ARID1A: variants seen among roughly 807,000 people sequenced by gnomAD.
The protein encoded by ARID1A is AT-rich interactive domain-containing protein 1A.
ARID1A carries 20 observed loss-of-function variants against 212.6 expected under a neutral mutation model. The ratio of observed to expected loss-of-function variants is 0.09; its 90% CI spans 0.07 to 0.14. The LOEUF is 0.14. Among genes scored for constraint, ARID1A ranks in the 10% least tolerant of loss-of-function variants. The pLI, the probability that ARID1A is intolerant of heterozygous loss-of-function variation, is 1.00. For synonymous variants in ARID1A, 1,376 were observed against 1,222.1 expected (o/e 1.13, Z -2.63); for missense variants, 2,587 against 3,059.0 (o/e 0.85, Z 3.64).
chr1:26,706,992 T>C (rs1223846774), intron 1 of ARID1A, among the ~76,000 whole-genome samples: 1 of 152,008 alleles, frequency 6.6e-6, no homozygotes, highest in Non-Finnish European at 1.5e-5. Flanking sequence ...CTGTAGGTAG[T>C]TTATCTGTTC....
intron 1 of ARID1A, among the ~76,000 whole-genome samples, chr1:26,711,055 G>GTC (rs969353739): frequency 1.3e-5 from 2 of 151,764 alleles, no homozygotes; most frequent in African/African-American, 4.8e-5. Context: ...ACTGTCTTCT[G>GTC]TCTTCTTGCC....
chr1:26,740,011 A>G (rs1447640036), intron 4 of ARID1A, among the ~76,000 whole-genome samples: 1 of 152,106 alleles, frequency 6.6e-6, no homozygotes, highest in Non-Finnish European at 1.5e-5. Flanking sequence ...AAAAGAAAAA[A>G]AAAACCTGGC....
At position 26,767,910 on chromosome 1, in the gene ARID1A, G is replaced by A. The variant is rs144496027; in HGVS notation, c.3109G>A (p.Gly1037Ser). 1.2e-6 allele frequency: 2 copies of A among 1,614,142 alleles called. No individual in the cohort carries two copies. Among genetic ancestry groups the A allele is most frequent in the Non-Finnish European group, 1.7e-6 (2 of 1,180,006 alleles). The change falls in exon 11 of 20, where the codon GGC (glycine) becomes AGC (serine). Residue 1037 changes from glycine to serine, a missense_variant. Around this residue, in one of 11 missense-constraint regions of ARID1A, gnomAD observed 44 missense variants for 99.5 expected, o/e 0.44. Transcript: ENST00000324856. Reference protein sequence around the residue: ...YLAFTEEKAMGMTNLPAVGRK... With the variant: ...YLAFTEEKAMSMTNLPAVGRK... ...GGCCTTCACTGAGGAGAAGGCCATG[G>A]GCATGACAAATCTGCCTGCTGTGGG...
In ARID1A at chr1:26,697,443, C is replaced by T. The variant is rs1165246380; in HGVS notation, c.1040C>T (p.Ala347Val). The part of the protein sequence containing the change: ...WGAAAAAAAA[A>V]AASGGAQQRS... ...GCTGCGGCGGCGGCAGCTGCGGCGG[C>T]GGCCGCCTCGGGAGGGGCCCAACAA... The change falls in exon 1 of 20, where the codon GCG becomes GTG. Residue 347 changes from alanine to valine, a missense_variant. By Grantham distance (64) the Ala-to-Val change is moderately conservative (BLOSUM62 0). This residue lies in a region of ARID1A where 735 missense variants were observed against 590.6 expected (regional missense o/e 1.24). Transcript: ENST00000324856. 5 of 1,356,020 alleles carry T rather than the reference C, an allele frequency of 3.7e-6. No individual in the cohort carries two copies. The highest frequency in any genetic ancestry group is 4.7e-6 in the Non-Finnish European group (5 of 1,065,180). The allele number at this position is 1,356,020 out of a possible 1,614,324, so 84.0% of individuals were successfully genotyped here.
chr1:26,696,729 C>G lies in ARID1A; in HGVS notation c.326C>G (p.Pro109Arg), dbSNP rs1167372383. ...AAGAACTCGAACGGGAACGCGGGCCCTAGGCCCGCCCTGAACAATAACCTC... is the reference window on the plus strand; with the variant it reads ...AAGAACTCGAACGGGAACGCGGGCCGTAGGCCCGCCCTGAACAATAACCTC... Reference protein sequence around the residue: ...DLKNSNGNAGPRPALNNNLTE... With the variant: ...DLKNSNGNAGRRPALNNNLTE... The change falls in exon 1 of 20, where the codon CCT becomes CGT. Residue 109 changes from proline (P) to arginine (R), a missense_variant. Transcript: ENST00000324856. 3.6e-6 allele frequency: 5 copies of G among 1,376,032 alleles called. No individual in the cohort carries two copies. Among genetic ancestry groups the G allele is most frequent in the Non-Finnish European group, 3.8e-6 (4 of 1,065,976 alleles). 85.2% of individuals were successfully genotyped at this position (1,376,032 alleles called of 1,614,324 possible).
At chr1:26,763,576 C>T (rs1260451314) in intron 8 of ARID1A, among the ~76,000 whole-genome samples, 1 of 152,154 alleles carries the variant, frequency 6.6e-6, no homozygotes, top group African/African-American at 2.4e-5. Context: ...TCAAGACCAG[C>T]CTGATCAACA....
Position 26,771,779 on chromosome 1 carries a change from GAGT to G in ARID1A, c.3406+454_3406+456del, listed in dbSNP as rs1208398574. 5.3e-6 allele frequency: 1 copy of G among 188,370 alleles called. No individual in the cohort carries two copies. Among genetic ancestry groups the G allele is most frequent in the Non-Finnish European group, 1.1e-5 (1 of 90,032 alleles). The allele number at this position is 188,370 out of a possible 1,614,324, so 11.7% of individuals were successfully genotyped here. On this transcript the variant is annotated intron_variant, in intron 12 of 19. Transcript: ENST00000324856. This position sits in a 1 kb window ranked among gnomAD's most constrained non-coding sequence, Gnocchi z 5.4. ...GGTTATGAATGGAACTCCCTGATGG[GAGT>G]GGCTCTGCTCACCCTCCTTTCTGAG... is the stretch of plus-strand genomic sequence containing the variant.
chr1:26,746,442 T>A (rs2080835824), intron 4 of ARID1A, among the ~76,000 whole-genome samples: 1 of 152,208 alleles, frequency 6.6e-6, no homozygotes, highest in South Asian at 2.1e-4. Context: ...CTGTTTCATG[T>A]CTGCCCTTGG....
chr1:26,710,875 A>T (rs2080447055), intron 1 of ARID1A, among the ~76,000 whole-genome samples: 1 of 152,196 alleles, frequency 6.6e-6, no homozygotes, highest in South Asian at 2.1e-4. Context: ...AAAATGCTTG[A>T]GGCTAGGGGA....
chr1:26,697,129 C>CGCG lies in ARID1A; in HGVS notation c.735_737dup (p.Ala247dup), dbSNP rs749970078. 4.7e-4 allele frequency: 673 copies of CGCG among 1,437,258 alleles called. 1 individual carries two copies. The highest frequency in any genetic ancestry group is 5.9e-4 in the Non-Finnish European group (645 of 1,099,776). 89.0% of individuals were successfully genotyped at this position (1,437,258 alleles called of 1,614,324 possible). ...CGAGAGGTGGCACTCCGGGCTCCGG[C>CGCG]GCGGCGGCGGCTGCCGGCTCCAAGC... On this transcript the variant is annotated inframe_insertion, in exon 1 of 20. Transcript: ENST00000324856.
At chr1:26,720,344 A>G (rs1194646111) in intron 1 of ARID1A, among the ~76,000 whole-genome samples, 1 of 152,070 alleles carries the variant, frequency 6.6e-6, no homozygotes, top group East Asian at 1.9e-4. Flanking sequence ...CTGGTGGCAC[A>G]GGTCTGTAAT....
chr1:26,742,171 C>A (rs1340516590), intron 4 of ARID1A, among the ~76,000 whole-genome samples: 2 of 152,208 alleles, frequency 1.3e-5, no homozygotes, highest in African/African-American at 4.8e-5. Flanking sequence ...AAAAACTCAA[C>A]TCTTTGCCAT....
intron 1 of ARID1A, among the ~76,000 whole-genome samples, chr1:26,720,587 C>T (rs977914481): frequency 4.0e-5 from 6 of 151,838 alleles, no homozygotes; most frequent in African/African-American, 1.5e-4. Flanking sequence ...ATTAAAAATA[C>T]AGATTCCTGG....
At chr1:26,741,189 A>G (rs528531547) in intron 4 of ARID1A, among the ~76,000 whole-genome samples, 26 of 152,342 alleles carry the variant, frequency 1.7e-4, no homozygotes, top group Admixed American at 2.6e-4. Flanking sequence ...ATCAGGTAGA[A>G]GCAGCCAACA....
chr1:26,744,663 C>T (rs2080820182), intron 4 of ARID1A, among the ~76,000 whole-genome samples: 1 of 152,164 alleles, frequency 6.6e-6, no homozygotes, highest in Non-Finnish European at 1.5e-5. Flanking sequence ...CTCAAGAAGA[C>T]ACTTGGTATC....
chr1:26,738,372 G>A (rs1403647477), intron 4 of ARID1A, among the ~76,000 whole-genome samples: 1 of 152,130 alleles, frequency 6.6e-6, no homozygotes, highest in Non-Finnish European at 1.5e-5. Context: ...TATCTCAAGT[G>A]TAATTTAAAT....
intron 4 of ARID1A, among the ~76,000 whole-genome samples, chr1:26,741,815 T>TA (rs942626157): frequency 7.2e-5 from 11 of 152,238 alleles, no homozygotes; most frequent in Admixed American, 2.0e-4. Flanking sequence ...ACATCTTAGC[T>TA]ATTACCCTTC....
intron 10 of ARID1A, among the ~76,000 whole-genome samples, chr1:26,767,133 T>C (rs776102270): frequency 6.6e-6 from 1 of 152,200 alleles, no homozygotes; most frequent in African/African-American, 2.4e-5. Flanking sequence ...TACCTCACTT[T>C]CCCTATCTGT....
chr1:26,780,433 A>C lies in ARID1A; in HGVS notation c.6535A>C (p.Ser2179Arg). Residue 2179 changes from serine to arginine, a missense_variant, in exon 20 of 20, where the codon AGC becomes CGC. Ser to Arg is a moderately radical substitution (Grantham distance 110, BLOSUM62 -1). Around this residue, in one of 11 missense-constraint regions of ARID1A, gnomAD observed 168 missense variants for 321.0 expected, o/e 0.52. Transcript: ENST00000324856. The surrounding 1 kb of genome is among the most constrained non-coding windows in gnomAD (Gnocchi z 7.2). ...GCTGGCCAACCTGGCTCAGGGGGACAGCCTGGCAGCTCGTGCCATTGCAGT... is the reference window on the plus strand; with the variant it reads ...GCTGGCCAACCTGGCTCAGGGGGACCGCCTGGCAGCTCGTGCCATTGCAGT... The part of the protein sequence containing the change: ...VLLANLAQGD[S>R]LAARAIAVQK... 6.2e-7 allele frequency: 1 copy of C among 1,614,228 alleles called. No homozygotes were observed.
Sources: gnomAD v4.1 joint callset for allele counts (sites outside exome capture counted in the v4.1 genomes callset) on GRCh38, gnomAD v4.1.1 for gene constraint, gnomAD v4.1.1 regional missense constraint, Gnocchi (gnomAD v3.1) non-coding constraint, MANE v1.5 for transcripts, NCBI Gene and HGNC (gene_info 2026-07-23, HGNC 2026-07-21) for gene names.